Variants in CCNT2 observed in about 807,000 individuals in gnomAD.
The protein encoded by CCNT2 is cyclin T2.
A neutral mutation model predicts 70.0 loss-of-function variants in CCNT2; 18 were observed. The ratio of observed to expected loss-of-function variants is 0.26; its 90% CI spans 0.18 to 0.38. CCNT2 has a LOEUF of 0.38. Among genes scored for constraint, CCNT2 ranks in the 10% least tolerant of loss-of-function variants. CCNT2 has a pLI of 1.00. For synonymous variants in CCNT2, 334 were observed against 313.3 expected, an observed-to-expected ratio of 1.07 and a Z score of -0.70; for missense variants, 734 against 890.2, an observed-to-expected ratio of 0.82 and a Z score of 2.23.
chr2:134,942,995 G>T (rs947483359), intron 5 of CCNT2: 10 of 985,332 alleles, frequency 1.0e-5, no homozygotes, highest in Non-Finnish European at 1.2e-5. Flanking sequence ...TAGTGCATAG[G>T]TTCAGAAAAT....
chr2:134,938,980 T>C lies in CCNT2; in HGVS notation c.370-22T>C, dbSNP rs1291812233. On this transcript the variant is annotated intron_variant, in intron 3 of 8. Transcript: ENST00000264157. The stretch of plus-strand genomic sequence containing the variant: ...AATGTTATTTTTATTTTAATCAATT[T>C]GATAATATTTTTATCTGACAGGCTT... The C allele has an allele frequency of 2.7e-6, 4 of 1,509,294 alleles. No homozygotes were observed. The South Asian group carries it at 4.5e-5, about 17-fold the overall frequency. 93.5% of individuals were successfully genotyped at this position (1,509,294 alleles called of 1,614,324 possible).
intron 2 of CCNT2, among the ~76,000 whole-genome samples, chr2:134,931,260 A>ATTTTTTTTTTTTTT (rs1351628226): frequency 1.4e-4 from 6 of 42,940 alleles, no homozygotes; most frequent in East Asian, 2.0e-3. Flanking sequence ...CCATGCCCGG[A>ATTTTTTTTTTTTTT]TCTTTTTTTT....
chr2:134,945,393 AAAC>A, intron 5 of CCNT2: 1 of 985,436 alleles, frequency 1.0e-6, no homozygotes, highest in Non-Finnish European at 1.2e-6. Context: ...AGGGGAGGGA[AAAC>A]TTTTCAGTGT....
chr2:134,931,893 A>G (rs1366518921), intron 2 of CCNT2, among the ~76,000 whole-genome samples: 1 of 151,954 alleles, frequency 6.6e-6, no homozygotes, highest in Non-Finnish European at 1.5e-5. Flanking sequence ...ATTTTTTAGT[A>G]TTTATTGTAG....
Position 134,958,553 on chromosome 2 carries a change from G to C in CCNT2, c.*3905G>C, listed in dbSNP as rs1437058517. The C allele has an allele frequency of 6.6e-6, 1 of 152,140 alleles. No individual in the cohort carries two copies. The highest frequency in any genetic ancestry group is 2.4e-5 in the African/African-American group (1 of 41,418). 9.4% of individuals were successfully genotyped at this position (152,140 alleles called of 1,614,324 possible). A position where few individuals can be genotyped will look rare whatever the true frequency, so the allele number is the denominator to read the frequency against. On this transcript the variant is annotated 3_prime_UTR_variant, in exon 9 of 9. Transcript: ENST00000264157. ...AAAGCAGCACATTCTCTGACCTTGG[G>C]TACCAAGCTATGATACTAATTTGAG...
chr2:134,934,268 A>G (rs555899400), intron 2 of CCNT2, among the ~76,000 whole-genome samples: 9 of 152,310 alleles, frequency 5.9e-5, no homozygotes, highest in Middle Eastern at 3.4e-3. Flanking sequence ...TAAATAGTGC[A>G]TGGTCCCTGT....
chr2:134,936,236 A>C (rs1681144836), intron 2 of CCNT2, among the ~76,000 whole-genome samples: 1 of 151,370 alleles, frequency 6.6e-6, no homozygotes, highest in African/African-American at 2.4e-5. Flanking sequence ...TATTATTTAA[A>C]CTTTCTCTTT....
intron 5 of CCNT2, chr2:134,945,390 G>A (rs930776762): frequency 1.0e-6 from 1 of 985,228 alleles, no homozygotes; most frequent in African/African-American, 1.7e-5. Flanking sequence ...ATAAGGGGAG[G>A]GAAAACTTTT....
chr2:134,947,946 C>T, intron 7 of CCNT2, 47 bp downstream of exon 7: 2 of 1,151,982 alleles, frequency 1.7e-6, no homozygotes, highest in South Asian at 4.5e-5. Context: ...TCTAAGTTGG[C>T]AGTTGTCTGA....
chr2:134,937,587 A>T (rs767311766), intron 3 of CCNT2, among the ~76,000 whole-genome samples: 2 of 152,172 alleles, frequency 1.3e-5, no homozygotes, highest in East Asian at 3.9e-4. Flanking sequence ...ATCTTAAGAA[A>T]TAAGGAGAAA....
intron 4 of CCNT2, among the ~76,000 whole-genome samples, 188 bp downstream of exon 4, chr2:134,939,250 A>T (rs1446876979): frequency 6.6e-6 from 1 of 152,168 alleles, no homozygotes; most frequent in Middle Eastern, 3.2e-3. Flanking sequence ...GGCATAATTA[A>T]ATTGAATGGT....
chr2:134,925,329 A>ATATTG (rs1680212633), intron 2 of CCNT2, among the ~76,000 whole-genome samples: 1 of 152,182 alleles, frequency 6.6e-6, no homozygotes, highest in Non-Finnish European at 1.5e-5. Flanking sequence ...TATAATTCAC[A>ATATTG]TATTGTACAT....
chr2:134,944,623 T>C (rs1681814743), intron 5 of CCNT2: 1 of 980,924 alleles, frequency 1.0e-6, no homozygotes, highest in Middle Eastern at 5.3e-4. Flanking sequence ...TTGTTGTTAA[T>C]GTTAAAATGT....
At chr2:134,934,028 C>T (rs1032610919) in intron 2 of CCNT2, among the ~76,000 whole-genome samples, 7 of 152,150 alleles carry the variant, frequency 4.6e-5, no homozygotes, top group Non-Finnish European at 7.4e-5. Flanking sequence ...TCTACCTCCC[C>T]GTCTCCATGA....
chr2:134,954,879 CAG>C lies in CCNT2; in HGVS notation c.*232_*233del, dbSNP rs1682835190. The C allele has an allele frequency of 1.4e-5, 6 of 434,156 alleles. No individual in the cohort carries two copies. Among genetic ancestry groups the C allele is most frequent in the African/African-American group, 2.0e-5 (1 of 51,060 alleles). The allele number at this position is 434,156 out of a possible 1,614,324, so 26.9% of individuals were successfully genotyped here. A position where few individuals can be genotyped will look rare whatever the true frequency, so the allele number is the denominator to read the frequency against. On this transcript the variant is annotated 3_prime_UTR_variant, in exon 9 of 9. Coordinates refer to ENST00000264157, the MANE Select transcript of CCNT2 (RefSeq NM_058241.3). ...GTAAAAGCATGGAAGGTGCAAAACT[CAG>C]TATTTCTACAATTGCAGCTAAGAAC...
chr2:134,922,788 A>T (rs1246942030), intron 2 of CCNT2, among the ~76,000 whole-genome samples: 1 of 151,888 alleles, frequency 6.6e-6, no homozygotes, highest in Non-Finnish European at 1.5e-5. Flanking sequence ...TTTGTGATGC[A>T]TTTTTTTTCT....
In CCNT2 at chr2:134,936,970, G is replaced by A; in HGVS notation, c.369+1G>A. ...GCCACTGCTGGATACTAAATGTGAT[G>A]TATGTAAATACTGGGTTTTTTATTT... On this transcript the variant is annotated splice_donor_variant, in intron 3 of 8. Coordinates refer to ENST00000264157, the MANE Select transcript of CCNT2 (RefSeq NM_058241.3). LOFTEE classifies it high-confidence loss of function. The A allele has an allele frequency of 1.3e-6, 2 of 1,599,308 alleles. No individual in the cohort carries two copies. The highest frequency in any genetic ancestry group is 8.5e-7 in the Non-Finnish European group (1 of 1,171,134).
intron 2 of CCNT2, among the ~76,000 whole-genome samples, chr2:134,921,099 G>A (rs752723165): frequency 2.0e-5 from 3 of 152,148 alleles, no homozygotes; most frequent in Admixed American, 1.3e-4. Context: ...GAAGAGAAAG[G>A]AAGCCATTGG....
intron 7 of CCNT2, 145 bp from the exon 8 acceptor site, chr2:134,952,496 G>C (rs1320461723): frequency 1.1e-5 from 5 of 468,714 alleles, no homozygotes; most frequent in Non-Finnish European, 1.9e-5. Flanking sequence ...AGAGTTGTGT[G>C]TACTTCTGTG....
Sources: gnomAD v4.1 joint callset for allele counts (sites outside exome capture counted in the v4.1 genomes callset) on GRCh38, gnomAD v4.1.1 for gene constraint, MANE v1.5 for transcripts, NCBI Gene and HGNC (gene_info 2026-07-23, HGNC 2026-07-21) for gene names.